Variants in NYAP1 observed in about 807,000 individuals in gnomAD.
NYAP1 encodes the protein neuronal tyrosine phosphorylated phosphoinositide-3-kinase adaptor 1, also known as neuronal tyrosine-phosphorylated phosphoinositide-3-kinase adapter 1.
A neutral mutation model predicts 58.6 loss-of-function variants in NYAP1; 20 were observed. That is an observed-to-expected ratio of 0.34 (90% CI 0.24 to 0.50). The LOEUF (loss-of-function observed/expected upper bound fraction) is 0.50. Among genes scored for constraint, NYAP1 ranks in the 20% least tolerant of loss-of-function variants. The pLI is 0.98. For missense variants in NYAP1, 1,150 were observed against 1,194.5 expected, an observed-to-expected ratio of 0.96 and a Z score of 0.55; for synonymous variants, 572 against 523.1, an observed-to-expected ratio of 1.09 and a Z score of -1.27.
At position 100,487,061 on chromosome 7, in the gene NYAP1, G is replaced by A. The variant is rs553305670; in HGVS notation, c.309G>A (p.Gly103=). The change falls in exon 3 of 7, where the codon GGG becomes GGA. Residue 103 remains glycine (G), a synonymous_variant. Transcript: ENST00000300179. This position sits in a 1 kb window ranked among gnomAD's most constrained non-coding sequence, Gnocchi z 4.1. ...SVGGGPGGAS[G]GLTEDSSTRR... ...GGGGTGGCCCTGGCGGGGCCAGTGG[G>A]GGCCTCACAGAGGACAGCAGCACCC... 3.1e-6 allele frequency: 5 copies of A among 1,600,560 alleles called. No homozygotes were observed. The African/African-American group carries it at 4.0e-5, about 13-fold the overall frequency.
At chr7:100,492,247 A>G (rs1799806772) in intron 6 of NYAP1, among the ~76,000 whole-genome samples, 1 of 151,822 alleles carries the variant, frequency 6.6e-6, no homozygotes, top group Non-Finnish European at 1.5e-5. Context: ...TCAAAAAAAA[A>G]AAAAGGGGCC....
intron 6 of NYAP1, among the ~76,000 whole-genome samples, chr7:100,492,164 G>A (rs542548489): frequency 3.3e-5 from 5 of 152,064 alleles, no homozygotes; most frequent in East Asian, 1.9e-4. Flanking sequence ...GCTTGAACCC[G>A]GGAGACGGAG....
intron 6 of NYAP1, among the ~76,000 whole-genome samples, chr7:100,492,646 C>A (rs78690606): frequency 0.035 from 5,363 of 152,200 alleles, 417 homozygotes; most frequent in East Asian, 0.33. Flanking sequence ...CGCCTATAAT[C>A]CTAGTACTTT....
chr7:100,490,067 C>A lies in NYAP1; in HGVS notation c.1945+401C>A, dbSNP rs567282888. On this transcript the variant is annotated intron_variant, in intron 4 of 6. Coordinates refer to ENST00000300179, the MANE Select transcript of NYAP1 (RefSeq NM_173564.4). The surrounding 1 kb of genome is among the most constrained non-coding windows in gnomAD (Gnocchi z 4.6). ...AGGCCCCTACCGTTGCCTGGCAACG[C>A]AATGCTCTGCCAGGCCTCCTCTCAG... 6.6e-6 allele frequency among the ~76,000 whole-genome samples: 1 copy of A among 152,160 alleles called. No homozygotes were observed. Among genetic ancestry groups the A allele is most frequent in the Non-Finnish European group, 1.5e-5 (1 of 67,972 alleles).
Position 100,493,705 on chromosome 7 carries a change from C to T in NYAP1, c.2328C>T (p.Asp776=), listed in dbSNP as rs1290829956. 3.8e-6 allele frequency: 6 copies of T among 1,597,492 alleles called. No homozygotes were observed. Among genetic ancestry groups the T allele is most frequent in the East Asian group, 4.5e-5 (2 of 44,448 alleles). Residue 776 remains aspartate (D), a synonymous_variant, in exon 7 of 7, where the codon GAC becomes GAT. Transcript: ENST00000300179. ...CGCCCCAGCCGGCCCGCGAGCGTGACGGGAAGCTGCTGGAGGTGATCGAGC... is the reference window on the plus strand; with the variant it reads ...CGCCCCAGCCGGCCCGCGAGCGTGATGGGAAGCTGCTGGAGGTGATCGAGC... The part of the protein sequence containing the change: ...PLPPQPARER[D]GKLLEVIERK...
Position 100,490,950 on chromosome 7 carries a change from C to A in NYAP1, c.2159-36C>A, listed in dbSNP as rs1212633651. 4 of 1,361,428 alleles carry A rather than the reference C, an allele frequency of 2.9e-6. No homozygotes were observed. Among genetic ancestry groups the A allele is most frequent in the African/African-American group, 1.4e-5 (1 of 69,336 alleles). The allele number at this position is 1,361,428 out of a possible 1,614,324, so 84.3% of individuals were successfully genotyped here. A position where few individuals can be genotyped will look rare whatever the true frequency, so the allele number is the denominator to read the frequency against. ...GGAACTAGGGGAGGGGTACCTGAGG[C>A]CCCTGCACTCCTCACTCCTCCTTCT... On this transcript the variant is annotated intron_variant, in intron 5 of 6. Coordinates refer to ENST00000300179, the MANE Select transcript of NYAP1 (RefSeq NM_173564.4). This position sits in a 1 kb window ranked among gnomAD's most constrained non-coding sequence, Gnocchi z 4.6.
At position 100,488,623 on chromosome 7, in the gene NYAP1, G is replaced by A. The variant is rs1291253460; in HGVS notation, c.902G>A (p.Arg301His). ...CACGCCCTTCCGCCCCATGCCCACC[G>A]CCGCCCAGCTTCAGCCCTCCCGAGC... Reference protein sequence around the residue: ...QPHALPPHAHRRPASALPSRR... With the variant: ...QPHALPPHAHHRPASALPSRR... The change falls in exon 4 of 7, where the codon CGC (arginine) becomes CAC (histidine). Residue 301 changes from arginine (R) to histidine (H), a missense_variant. Transcript: ENST00000300179. This position sits in a 1 kb window ranked among gnomAD's most constrained non-coding sequence, Gnocchi z 5.9. 12 of 1,609,112 alleles carry A rather than the reference G, an allele frequency of 7.5e-6. No individual in the cohort carries two copies. The East Asian group carries it at 1.1e-4, about 15-fold the overall frequency.
chr7:100,490,366 T>C lies in NYAP1; in HGVS notation c.1946-151T>C. 1.4e-6 allele frequency: 1 copy of C among 689,872 alleles called. No individual in the cohort carries two copies. Among genetic ancestry groups the C allele is most frequent in the Non-Finnish European group, 2.6e-6 (1 of 381,478 alleles). 42.7% of individuals were successfully genotyped at this position (689,872 alleles called of 1,614,324 possible). On this transcript the variant is annotated intron_variant, in intron 4 of 6. Coordinates refer to ENST00000300179, the MANE Select transcript of NYAP1 (RefSeq NM_173564.4). The surrounding 1 kb of genome is among the most constrained non-coding windows in gnomAD (Gnocchi z 4.6). ...GGTGTGTGTGTGTTTGTATGTATGTTGGGGGAGTGTGAAGGAGCCCCATCC... is the reference window on the plus strand; with the variant it reads ...GGTGTGTGTGTGTTTGTATGTATGTCGGGGGAGTGTGAAGGAGCCCCATCC...
Position 100,485,344 on chromosome 7 carries a change from G to A in NYAP1, c.33G>A (p.Glu11=). ...TCCTCTACCGAAAAACCAAGCTGGA[G>A]TGGAGGCAGCACAAGGAAGAGGAGG... MNLLYRKTKL[E]WRQHKEEEAK... The change falls in exon 2 of 7, where the codon GAG becomes GAA. Residue 11 remains glutamate, a synonymous_variant. Transcript: ENST00000300179. The surrounding 1 kb of genome is among the most constrained non-coding windows in gnomAD (Gnocchi z 5.7). 1 of 1,604,094 alleles carries A rather than the reference G, an allele frequency of 6.2e-7. No homozygotes were observed. Among genetic ancestry groups the A allele is most frequent in the South Asian group, 1.1e-5 (1 of 89,208 alleles).
rs760533187 is a variant in NYAP1 at position 100,488,625 on chromosome 7, C to T, written c.904C>T (p.Arg302Cys). 58 of 1,610,616 alleles carry T rather than the reference C, an allele frequency of 3.6e-5. No individual in the cohort carries two copies. The highest frequency in any genetic ancestry group is 4.3e-5 in the Non-Finnish European group (51 of 1,178,842). ...CGCCCTTCCGCCCCATGCCCACCGC[C>T]GCCCAGCTTCAGCCCTCCCGAGCCG... ...PHALPPHAHR[R>C]PASALPSRRD... is the part of the protein sequence containing the mutation. Residue 302 changes from arginine (R) to cysteine (C), a missense_variant, in exon 4 of 7, where the codon CGC becomes TGC. Physicochemically the swap from Arg to Cys is radical, Grantham distance 180. Transcript: ENST00000300179. This position sits in a 1 kb window ranked among gnomAD's most constrained non-coding sequence, Gnocchi z 5.9.
In NYAP1 at chr7:100,485,673, G is replaced by T. The variant is rs1170774490; in HGVS notation, c.68+294G>T. 1.3e-5 allele frequency among the ~76,000 whole-genome samples: 2 copies of T among 152,114 alleles called. No homozygotes were observed. Among genetic ancestry groups the T allele is most frequent in the Non-Finnish European group, 2.9e-5 (2 of 68,006 alleles). On this transcript the variant is annotated intron_variant, in intron 2 of 6. Coordinates refer to ENST00000300179, the MANE Select transcript of NYAP1 (RefSeq NM_173564.4). The surrounding 1 kb of genome is among the most constrained non-coding windows in gnomAD (Gnocchi z 5.7). ...CCCTTCTCCTTTCTGCAAATTTGGG[G>T]CTGGCTGCGGGCTCTCCTGTCACCT...
Position 100,486,866 on chromosome 7 carries a change from C to G in NYAP1, c.114C>G (p.Ala38=). 1 of 1,539,466 alleles carries G rather than the reference C, an allele frequency of 6.5e-7. No homozygotes were observed. The highest frequency in any genetic ancestry group is 8.7e-7 in the Non-Finnish European group (1 of 1,147,714). Residue 38 remains alanine (A), a synonymous_variant, in exon 3 of 7, where the codon GCC becomes GCG. Transcript: ENST00000300179. This position sits in a 1 kb window ranked among gnomAD's most constrained non-coding sequence, Gnocchi z 6.2. ...CCGCTGGCTCGGCTGGGCCCGCGGC[C>G]GGCCAGGGGCCTGGGGTCCGCGTGC... is the stretch of plus-strand genomic sequence containing the variant. ...VAPAGSAGPA[A]GQGPGVRVRD... is the part of the protein sequence containing the mutation.
chr7:100,491,030 G>A lies in NYAP1; in HGVS notation c.2203G>A (p.Gly735Arg), dbSNP rs149781579. Residue 735 changes from glycine (G) to arginine (R), a missense_variant, in exon 6 of 7, where the codon GGA becomes AGA. Gly to Arg is a moderately radical substitution (Grantham distance 125). Transcript: ENST00000300179. Reference sequence around the variant, plus strand: ...CCTGGGGCGCTCCGCCTCCACCTCCGGAGTCCGGCAGGTCGTGCTCCACAC... The same window carrying A: ...CCTGGGGCGCTCCGCCTCCACCTCCAGAGTCCGGCAGGTCGTGCTCCACAC... The part of the protein sequence containing the change: ...YRLGRSASTS[G>R]VRQVVLHTPR... The A allele has an allele frequency of 2.8e-5, 43 of 1,559,432 alleles. No individual in the cohort carries two copies. The highest frequency in any genetic ancestry group is 9.6e-5 in the Admixed American group (5 of 52,142).
At position 100,489,119 on chromosome 7, in the gene NYAP1, G is replaced by C; in HGVS notation, c.1398G>C (p.Ala466=). The part of the protein sequence containing the change: ...KAVSYTMVYS[A]VKVTTHSVLP... The stretch of plus-strand genomic sequence containing the variant: ...TGTCTTACACCATGGTGTACTCGGC[G>C]GTCAAGGTGACCACGCACTCTGTCC... Residue 466 remains alanine (A), a synonymous_variant, in exon 4 of 7, where the codon GCG becomes GCC. Transcript: ENST00000300179. The C allele has an allele frequency of 6.3e-7, 1 of 1,595,180 alleles. No homozygotes were observed. Among genetic ancestry groups the C allele is most frequent in the East Asian group, 2.3e-5 (1 of 44,132 alleles).
chr7:100,488,914 G>T lies in NYAP1; in HGVS notation c.1193G>T (p.Gly398Val). 6.3e-7 allele frequency: 1 copy of T among 1,590,462 alleles called. No homozygotes were observed. The change falls in exon 4 of 7, where the codon GGA (glycine) becomes GTA (valine). Residue 398 changes from glycine to valine, a missense_variant. Gly to Val is a moderately radical substitution (Grantham distance 109, BLOSUM62 -3). Transcript: ENST00000300179. This position sits in a 1 kb window ranked among gnomAD's most constrained non-coding sequence, Gnocchi z 5.9. ...CCTGCTGCCAACCTGCTGCTGCTGG[G>T]ACCATCGGGCCGGGCCCGGAGCCAC... ...PPPAANLLLL[G>V]PSGRARSHST...
Position 100,488,532 on chromosome 7 carries a change from G to A in NYAP1, c.811G>A (p.Glu271Lys). ...AGAGATGAAGTACCCGCTGCCGGAA[G>A]AGGCTGGGGAAGGCCGGGCCAATGG... is the stretch of plus-strand genomic sequence containing the variant. Reference protein sequence around the residue: ...YEEMKYPLPEEAGEGRANGPP... With the variant: ...YEEMKYPLPEKAGEGRANGPP... Residue 271 changes from glutamate (E) to lysine (K), a missense_variant, in exon 4 of 7, where the codon GAG becomes AAG. Glu to Lys is a moderately conservative substitution (Grantham distance 56). Transcript: ENST00000300179. The surrounding 1 kb of genome is among the most constrained non-coding windows in gnomAD (Gnocchi z 5.9). 1 of 1,612,440 alleles carries A rather than the reference G, an allele frequency of 6.2e-7. No individual in the cohort carries two copies. Among genetic ancestry groups the A allele is most frequent in the Non-Finnish European group, 8.5e-7 (1 of 1,179,834 alleles).
chr7:100,488,033 G>C lies in NYAP1; in HGVS notation c.431-119G>C. ...CCTGGGGCTGTAAGTTGAGGAATGT[G>C]GGGAAAAGGAAGAGGCAGATATGTC... is the stretch of plus-strand genomic sequence containing the variant. On this transcript the variant is annotated intron_variant, in intron 3 of 6. Coordinates refer to ENST00000300179, the MANE Select transcript of NYAP1 (RefSeq NM_173564.4). The surrounding 1 kb of genome is among the most constrained non-coding windows in gnomAD (Gnocchi z 5.9). The C allele has an allele frequency of 1.5e-6, 1 of 688,980 alleles. No individual in the cohort carries two copies. The allele number at this position is 688,980 out of a possible 1,614,324, so 42.7% of individuals were successfully genotyped here.
Position 100,489,414 on chromosome 7 carries a change from G to A in NYAP1, c.1693G>A (p.Glu565Lys), listed in dbSNP as rs945499348. 3.7e-6 allele frequency: 6 copies of A among 1,612,924 alleles called. No homozygotes were observed. The Admixed American group carries it at 5.0e-5, about 13-fold the overall frequency. Residue 565 changes from glutamate (E) to lysine (K), a missense_variant, in exon 4 of 7, where the codon GAG becomes AAG. Glu to Lys is a moderately conservative substitution (Grantham distance 56). Transcript: ENST00000300179. ...AAGLKRPPAYESLKAGGVLNK... is the reference protein window; with the variant it reads ...AAGLKRPPAYKSLKAGGVLNK... ...TGGGCTCAAGAGACCCCCTGCCTAT[G>A]AGAGCCTCAAGGCTGGGGGGGTGCT...
At position 100,487,259 on chromosome 7, in the gene NYAP1, G is replaced by C; in HGVS notation, c.430+77G>C. Reference sequence around the variant, plus strand: ...TATTCCACGCCCGGGGAGGCTTGCCGGGAGGGTTCATTCAGGGAAGAACCA... The same window carrying C: ...TATTCCACGCCCGGGGAGGCTTGCCCGGAGGGTTCATTCAGGGAAGAACCA... On this transcript the variant is annotated intron_variant, in intron 3 of 6. Transcript: ENST00000300179. The surrounding 1 kb of genome is among the most constrained non-coding windows in gnomAD (Gnocchi z 4.1). 7.1e-7 allele frequency: 1 copy of C among 1,401,216 alleles called. No homozygotes were observed. Among genetic ancestry groups the C allele is most frequent in the Non-Finnish European group, 9.4e-7 (1 of 1,064,884 alleles). The allele number at this position is 1,401,216 out of a possible 1,614,324, so 86.8% of individuals were successfully genotyped here.
Sources: allele counts gnomAD v4.1 joint callset (sites outside exome capture counted in the v4.1 genomes callset), GRCh38; gene constraint gnomAD v4.1.1; non-coding constraint Gnocchi (gnomAD v3.1); transcripts MANE v1.5; gene names NCBI Gene and HGNC (gene_info 2026-07-23, HGNC 2026-07-21).